Variants in LOXL4 observed in about 807,000 individuals in gnomAD.
The protein encoded by LOXL4 is lysyl oxidase homolog 4.
Under a neutral mutation model 89.1 loss-of-function variants are expected in LOXL4, and 72 were observed. That is an observed-to-expected ratio of 0.81 (90% CI 0.67 to 0.98). The LOEUF (loss-of-function observed/expected upper bound fraction) is 0.98. Ranked by LOEUF, LOXL4 falls within the 50% of genes least tolerant of loss-of-function variation. The pLI is 0.00. For missense variants in LOXL4, 984 were observed against 1,017.5 expected, an observed-to-expected ratio of 0.97 and a Z score of 0.45; for synonymous variants, 355 against 392.1, an observed-to-expected ratio of 0.91 and a Z score of 1.12.
At chr10:98,254,578 A>G (rs905098891) in intron 10 of LOXL4, among the ~76,000 whole-genome samples, 8 of 152,284 alleles carry the variant, frequency 5.3e-5, no homozygotes, top group African/African-American at 1.9e-4. Context: ...AAAGGAAAGA[A>G]AGCAATGTGA....
chr10:98,251,497 G>C lies in LOXL4; in HGVS notation c.2088+69C>G, dbSNP rs1858190853. The stretch of plus-strand genomic sequence containing the variant: ...GTATGGGAAATTCTTCCCTTCATTT[G>C]CCCTCAGGGAAAGTTGTGGAACATC... On this transcript the variant is annotated intron_variant, in intron 13 of 14. Coordinates refer to ENST00000260702, the MANE Select transcript of LOXL4 (RefSeq NM_032211.7). The C allele has an allele frequency of 2.5e-6, 4 of 1,577,092 alleles. No individual in the cohort carries two copies. In the Admixed American group the frequency reaches 5.2e-5, roughly 20 times the overall value.
rs1029675117 is a variant in LOXL4 at position 98,247,703 on chromosome 10, A to C, written c.*1218T>G. On this transcript the variant is annotated 3_prime_UTR_variant, in exon 15 of 15. Transcript: ENST00000260702. The stretch of plus-strand genomic sequence containing the variant: ...GCTGGTCTGGTCTTTGTAGCAGTCC[A>C]TAATGAGCAACTTTTATTGGCATTA... The C allele has an allele frequency of 9.2e-5, 14 of 152,254 alleles. No individual in the cohort carries two copies. Among genetic ancestry groups the C allele is most frequent in the African/African-American group, 3.1e-4 (13 of 41,448 alleles). The allele number at this position is 152,254 out of a possible 1,614,324, so 9.4% of individuals were successfully genotyped here.
In LOXL4 at chr10:98,251,421, T is replaced by A; in HGVS notation, c.2088+145A>T. The A allele has an allele frequency of 2.6e-6, 3 of 1,145,172 alleles. No homozygotes were observed. The East Asian group carries it at 7.2e-5, about 28-fold the overall frequency. The allele number at this position is 1,145,172 out of a possible 1,614,324, so 70.9% of individuals were successfully genotyped here. ...GGTTCATTGGACCCAGCTTGACTGTTACTTCCCTAACAGGACAGCTCCTTT... is the reference window on the plus strand; with the variant it reads ...GGTTCATTGGACCCAGCTTGACTGTAACTTCCCTAACAGGACAGCTCCTTT... On this transcript the variant is annotated intron_variant, in intron 13 of 14. Transcript: ENST00000260702.
intron 6 of LOXL4, among the ~76,000 whole-genome samples, chr10:98,258,400 C>T (rs1269295416): frequency 3.3e-5 from 5 of 151,982 alleles, no homozygotes; most frequent in Non-Finnish European, 5.9e-5. Flanking sequence ...TCAAGGATGC[C>T]GTCTCAAGTG....
intron 10 of LOXL4, among the ~76,000 whole-genome samples, chr10:98,255,371 G>A (rs1181867959): frequency 6.6e-6 from 1 of 152,178 alleles, no homozygotes; most frequent in South Asian, 2.1e-4. Flanking sequence ...TGTTCTCAGT[G>A]TTCTTTCTCA....
rs1858102456 is a variant in LOXL4 at position 98,248,603 on chromosome 10, G to A, written c.*318C>T. 2 of 323,758 alleles carry A rather than the reference G, an allele frequency of 6.2e-6. No homozygotes were observed. Among genetic ancestry groups the A allele is most frequent in the East Asian group, 1.3e-4 (2 of 15,052 alleles). 20.1% of individuals were successfully genotyped at this position (323,758 alleles called of 1,614,324 possible). A position where few individuals can be genotyped will look rare whatever the true frequency, so the allele number is the denominator to read the frequency against. On this transcript the variant is annotated 3_prime_UTR_variant, in exon 15 of 15. Transcript: ENST00000260702. ...GGCCATAGTCCATCCCTAAGAAACT[G>A]AGAGCTCCTGAATCCCGGATCTCTG...
chr10:98,259,785 G>A (rs7081450), intron 4 of LOXL4, among the ~76,000 whole-genome samples: 5,045 of 152,202 alleles, frequency 0.033, 246 homozygotes, highest in African/African-American at 0.11. Context: ...GGGGCGGCCC[G>A]CCCAGAGACA....
intron 13 of LOXL4, 69 bp downstream of exon 13, chr10:98,251,497 G>A: frequency 6.3e-7 from 1 of 1,577,210 alleles, no homozygotes; most frequent in Non-Finnish European, 8.6e-7. Context: ...CCCTTCATTT[G>A]CCCTCAGGGA....
chr10:98,258,390 T>TC (rs1035199616), intron 6 of LOXL4, among the ~76,000 whole-genome samples: 1 of 151,956 alleles, frequency 6.6e-6, no homozygotes, highest in African/African-American at 2.4e-5. Flanking sequence ...CACAGCCTCA[T>TC]CAAGGATGCC....
rs1384748277 is a variant in LOXL4 at position 98,253,848 on chromosome 10, TC to T, written c.1592-53del. 6 of 1,607,962 alleles carry T rather than the reference TC, an allele frequency of 3.7e-6. No individual in the cohort carries two copies. The Admixed American group carries it at 8.4e-5, about 22-fold the overall frequency. On this transcript the variant is annotated intron_variant, in intron 10 of 14. Transcript: ENST00000260702. ...ACTCAAAGGGTGGAAAGGCAGCCAG[TC>T]TTAGTCTCCAGCACAGAGGGCAAGC... is the stretch of plus-strand genomic sequence containing the variant.
Position 98,252,480 on chromosome 10 carries a change from G to C in LOXL4, c.1836-12C>G. ...TGCTGTGGTAATGCCTGCAGAAGGG[G>C]TAGAGCTGTCAGTGCGGCAGCAACA... On this transcript the variant is annotated splice_polypyrimidine_tract_variant and intron_variant, in intron 11 of 14. Coordinates refer to ENST00000260702, the MANE Select transcript of LOXL4 (RefSeq NM_032211.7). 6.3e-7 allele frequency: 1 copy of C among 1,587,620 alleles called. No individual in the cohort carries two copies.
At chr10:98,255,097 G>A (rs999646015) in intron 10 of LOXL4, among the ~76,000 whole-genome samples, 7 of 152,244 alleles carry the variant, frequency 4.6e-5, no homozygotes, top group African/African-American at 1.7e-4. Flanking sequence ...AGTCTTTTTG[G>A]GTAAATCCCA....
chr10:98,248,091 G>A lies in LOXL4; in HGVS notation c.*830C>T, dbSNP rs1372154850. 6.6e-6 allele frequency: 1 copy of A among 152,270 alleles called. No individual in the cohort carries two copies. Among genetic ancestry groups the A allele is most frequent in the Non-Finnish European group, 1.5e-5 (1 of 68,066 alleles). The allele number at this position is 152,270 out of a possible 1,614,324, so 9.4% of individuals were successfully genotyped here. On this transcript the variant is annotated 3_prime_UTR_variant, in exon 15 of 15. Transcript: ENST00000260702. Reference sequence around the variant, plus strand: ...CCTGAGATGCGTGGTGATCCTGAGAGAGAGCAGACTGCCTGCCAGGTAAAT... The same window carrying A: ...CCTGAGATGCGTGGTGATCCTGAGAAAGAGCAGACTGCCTGCCAGGTAAAT...
chr10:98,266,441 T>A (rs1007676193), intron 1 of LOXL4, among the ~76,000 whole-genome samples: 1 of 152,168 alleles, frequency 6.6e-6, no homozygotes, highest in Non-Finnish European at 1.5e-5. Context: ...CTGAAGTCCC[T>A]GACACACTGA....
chr10:98,250,157 G>A (rs1246986371), intron 14 of LOXL4, among the ~76,000 whole-genome samples: 1 of 152,150 alleles, frequency 6.6e-6, no homozygotes, highest in African/African-American at 2.4e-5. Context: ...TTCGGGTGAC[G>A]CCTTCCAAAG....
chr10:98,256,223 C>T (rs1474671871), intron 9 of LOXL4: 1 of 176,992 alleles, frequency 5.6e-6, no homozygotes, highest in African/African-American at 2.4e-5. Flanking sequence ...GATCTATCCA[C>T]TTATTTCTCC....
Position 98,261,050 on chromosome 10 carries a change from G to A in LOXL4, c.534C>T (p.Ala178=), listed in dbSNP as rs138229382. 126 of 1,613,824 alleles carry A rather than the reference G, an allele frequency of 7.8e-5. No individual in the cohort carries two copies. The highest frequency in any genetic ancestry group is 3.3e-4 in the Admixed American group (20 of 59,996). Reference sequence around the variant, plus strand: ...AGTGGCCCTCATACTTCACCTCCACGGCTCCCTCGGTCACTGGGCTATGCT... The same window carrying A: ...AGTGGCCCTCATACTTCACCTCCACAGCTCCCTCGGTCACTGGGCTATGCT... ...AKQHSPVTEG[A]VEVKYEGHWR... Residue 178 remains alanine (A), a synonymous_variant, in exon 4 of 15, where the codon GCC becomes GCT. Coordinates refer to ENST00000260702, the MANE Select transcript of LOXL4 (RefSeq NM_032211.7).
At position 98,248,753 on chromosome 10, in the gene LOXL4, A is replaced by G. The variant is rs1259674941; in HGVS notation, c.*168T>C. 6 of 635,190 alleles carry G rather than the reference A, an allele frequency of 9.4e-6. No individual in the cohort carries two copies. Among genetic ancestry groups the G allele is most frequent in the East Asian group, 8.4e-5 (3 of 35,806 alleles). 39.3% of individuals were successfully genotyped at this position (635,190 alleles called of 1,614,324 possible). A position where few individuals can be genotyped will look rare whatever the true frequency, so the allele number is the denominator to read the frequency against. On this transcript the variant is annotated 3_prime_UTR_variant, in exon 15 of 15. Coordinates refer to ENST00000260702, the MANE Select transcript of LOXL4 (RefSeq NM_032211.7). ...GGCCCAGAGCCATCCTGAGGGAGCA[A>G]TACCATCTGGATTGGTGATCTTGCC...
Position 98,265,592 on chromosome 10 carries a change from G to T in LOXL4, c.-33+2540C>A, listed in dbSNP as rs184410590. 3.1e-3 allele frequency among the ~76,000 whole-genome samples: 411 copies of T among 131,186 alleles called. 110 individuals carry two copies. The highest frequency in any genetic ancestry group is 0.023 in the Middle Eastern group (6 of 256). The allele number at this position is 131,186 out of a possible 152,430, so 86.1% of individuals were successfully genotyped here. A position where few individuals can be genotyped will look rare whatever the true frequency, so the allele number is the denominator to read the frequency against. ...CTAATTTATCTGTATTTTTAGTAGA[G>T]ACAGGGTTTCACCACATCAGTTCTT... On this transcript the variant is annotated intron_variant, in intron 1 of 14. Transcript: ENST00000260702.
Sources: gnomAD v4.1 joint callset for allele counts (sites outside exome capture counted in the v4.1 genomes callset) on GRCh38, gnomAD v4.1.1 for gene constraint, MANE v1.5 for transcripts, NCBI Gene and HGNC (gene_info 2026-07-23, HGNC 2026-07-21) for gene names.